The following CHST11 variants were observed in gnomAD, a reference collection of about 807,000 sequenced individuals.
CHST11 encodes carbohydrate sulfotransferase 11.
In CHST11, 9 loss-of-function variants were observed where a neutral mutation model predicts 30.4. The observed-to-expected ratio is 0.30, with a 90% CI of 0.18 to 0.52. The LOEUF (loss-of-function observed/expected upper bound fraction) is 0.52. CHST11 is among the 20% of genes least tolerant of loss of function. CHST11 has a pLI of 0.97. For missense variants in CHST11, 348 were observed against 460.6 expected, an observed-to-expected ratio of 0.76 and a Z score of 2.24; for synonymous variants, 152 against 187.8, an observed-to-expected ratio of 0.81 and a Z score of 1.56.
chr12:104,574,930 G>T (rs1428950300), intron 1 of CHST11, among the ~76,000 whole-genome samples: 1 of 151,938 alleles, frequency 6.6e-6, no homozygotes, highest in Non-Finnish European at 1.5e-5. Flanking sequence ...GGTGACTCAT[G>T]CCTGTAATCC....
At chr12:104,755,918 C>T (rs529704618) in intron 2 of CHST11, among the ~76,000 whole-genome samples, 2 of 152,176 alleles carry the variant, frequency 1.3e-5, no homozygotes, top group Admixed American at 6.5e-5. Flanking sequence ...GGGACCCCCC[C>T]CTCCGGTTAT....
chr12:104,682,618 G>A lies in CHST11; in HGVS notation c.205-74331G>A, dbSNP rs557031171. The stretch of plus-strand genomic sequence containing the variant: ...TGGTAGTGAAAGATTTCATCTCTCT[G>A]GTGTTTATGGTCTTGTTTTTCACCA... On this transcript the variant is annotated intron_variant, in intron 2 of 2. Transcript: ENST00000303694. Among the ~76,000 whole-genome samples, 25 of 152,252 alleles carry A rather than the reference G, an allele frequency of 1.6e-4. No homozygotes were observed. The South Asian group carries it at 3.9e-3, about 24-fold the overall frequency.
chr12:104,629,019 C>G (rs2039246202), intron 2 of CHST11, among the ~76,000 whole-genome samples: 1 of 152,146 alleles, frequency 6.6e-6, no homozygotes, highest in Admixed American at 6.5e-5. Context: ...TAACGGCACC[C>G]CAAGCTTCCT....
At chr12:104,629,472 C>T (rs1383430677) in intron 2 of CHST11, among the ~76,000 whole-genome samples, 1 of 152,196 alleles carries the variant, frequency 6.6e-6, no homozygotes, top group East Asian at 1.9e-4. Flanking sequence ...ACAGATGCCC[C>T]TTGACTTACA....
chr12:104,745,873 C>T (rs1453426012), intron 2 of CHST11, among the ~76,000 whole-genome samples: 1 of 152,192 alleles, frequency 6.6e-6, no homozygotes, highest in Non-Finnish European at 1.5e-5. Context: ...GTAGGATCAT[C>T]TCATCTGCAA....
At chr12:104,630,370 T>C (rs2039259218) in intron 2 of CHST11, among the ~76,000 whole-genome samples, 2 of 152,228 alleles carry the variant, frequency 1.3e-5, no homozygotes, top group South Asian at 2.1e-4. Context: ...GTTAAACAAG[T>C]TGATTTATGG....
chr12:104,521,392 C>G (rs2038072629), intron 1 of CHST11, among the ~76,000 whole-genome samples: 1 of 152,222 alleles, frequency 6.6e-6, no homozygotes, highest in South Asian at 2.1e-4. Context: ...AGACTTTTGT[C>G]TGGTCAGCCT....
rs933168755 is a variant in CHST11 at position 104,759,472 on chromosome 12, G to A, written c.*1669G>A. On this transcript the variant is annotated 3_prime_UTR_variant, in exon 3 of 3. Transcript: ENST00000303694. ...AATAATAGTTTTAATAATAGGGGAG[G>A]GTGGGATGGGGTGTGGGTAAGTTTT... 1 of 151,918 alleles carries A rather than the reference G, an allele frequency of 6.6e-6. No individual in the cohort carries two copies. Among genetic ancestry groups the A allele is most frequent in the Non-Finnish European group, 1.5e-5 (1 of 68,000 alleles). The allele number at this position is 151,918 out of a possible 1,614,324, so 9.4% of individuals were successfully genotyped here. A position where few individuals can be genotyped will look rare whatever the true frequency, so the allele number is the denominator to read the frequency against.
intron 2 of CHST11, among the ~76,000 whole-genome samples, chr12:104,640,896 GA>G (rs1408362796): frequency 6.6e-6 from 1 of 152,180 alleles, no homozygotes; most frequent in Non-Finnish European, 1.5e-5. Context: ...AGCCCAAAGT[GA>G]GACCTTACAT....
Position 104,642,842 on chromosome 12 carries a change from T to A in CHST11, c.204+40851T>A, listed in dbSNP as rs1010784218. 2.0e-5 allele frequency among the ~76,000 whole-genome samples: 3 copies of A among 152,108 alleles called. No homozygotes were observed. The South Asian group carries it at 6.2e-4, about 32-fold the overall frequency. ...AATGAACATTTATTACTTTTATAATTAAAACAAGAATACTTTTTAAAATTA... is the reference window on the plus strand; with the variant it reads ...AATGAACATTTATTACTTTTATAATAAAAACAAGAATACTTTTTAAAATTA... On this transcript the variant is annotated intron_variant, in intron 2 of 2. Coordinates refer to ENST00000303694, the MANE Select transcript of CHST11 (RefSeq NM_018413.6).
At chr12:104,544,175 A>G (rs376288268) in intron 1 of CHST11, among the ~76,000 whole-genome samples, 25 of 145,346 alleles carry the variant, frequency 1.7e-4, no homozygotes, top group African/African-American at 6.1e-4. Context: ...AGAAAGAAAG[A>G]AAGAAAGACC....
chr12:104,610,755 A>G (rs903202981), intron 2 of CHST11, among the ~76,000 whole-genome samples: 1 of 152,150 alleles, frequency 6.6e-6, no homozygotes, highest in Non-Finnish European at 1.5e-5. Flanking sequence ...TTCCTTTCCC[A>G]GTGGAGTCTG....
At chr12:104,672,835 A>C (rs1003438093) in intron 2 of CHST11, among the ~76,000 whole-genome samples, 1 of 152,006 alleles carries the variant, frequency 6.6e-6, no homozygotes, top group East Asian at 1.9e-4. Flanking sequence ...TGCTGCCACC[A>C]CTCAGACACC....
At chr12:104,647,037 T>C (rs2039439876) in intron 2 of CHST11, among the ~76,000 whole-genome samples, 1 of 152,228 alleles carries the variant, frequency 6.6e-6, no homozygotes, top group Non-Finnish European at 1.5e-5. Flanking sequence ...CATACACTTT[T>C]AATGATGAGC....
chr12:104,598,362 G>A (rs1592786299), intron 1 of CHST11, among the ~76,000 whole-genome samples: 1 of 152,318 alleles, frequency 6.6e-6, no homozygotes, highest in East Asian at 1.9e-4. Context: ...AGCATCAGCA[G>A]TAGGAGATGT....
chr12:104,686,188 C>G (rs527844539), intron 2 of CHST11, among the ~76,000 whole-genome samples: 39 of 139,932 alleles, frequency 2.8e-4, no homozygotes, highest in African/African-American at 1.0e-3. Context: ...ACTATGGTCC[C>G]ACCACTGCAC....
chr12:104,678,259 A>G (rs1566034606), intron 2 of CHST11, among the ~76,000 whole-genome samples: 2 of 152,190 alleles, frequency 1.3e-5, no homozygotes, highest in African/African-American at 4.8e-5. Flanking sequence ...CTAGAAAGGT[A>G]TATCCTTCCC....
chr12:104,659,993 G>A (rs1032467752), intron 2 of CHST11, among the ~76,000 whole-genome samples: 11 of 152,124 alleles, frequency 7.2e-5, no homozygotes, highest in African/African-American at 2.7e-4. Context: ...AAAAGAAAAC[G>A]AATTAATTTC....
chr12:104,711,632 C>T (rs2040089132), intron 2 of CHST11, among the ~76,000 whole-genome samples: 1 of 151,644 alleles, frequency 6.6e-6, no homozygotes, highest in Non-Finnish European at 1.5e-5. Flanking sequence ...TTTTTTTAAG[C>T]CTACAAGGGT....
Sources: gnomAD v4.1 joint callset for allele counts (sites outside exome capture counted in the v4.1 genomes callset) on GRCh38, gnomAD v4.1.1 for gene constraint, MANE v1.5 for transcripts, NCBI Gene and HGNC (gene_info 2026-07-23, HGNC 2026-07-21) for gene names.